SMCHD1: variants seen among roughly 807,000 people sequenced by gnomAD.
SMCHD1 encodes structural maintenance of chromosomes flexible hinge domain containing 1.
SMCHD1 carries 78 observed loss-of-function variants against 254.7 expected under a neutral mutation model. That is an observed-to-expected ratio of 0.31 (90% confidence interval 0.26 to 0.37). The LOEUF (loss-of-function observed/expected upper bound fraction) is 0.37, where lower values mean the gene tolerates loss of function less well. SMCHD1 is among the 10% of genes least tolerant of loss of function. The pLI, the probability that SMCHD1 is intolerant of heterozygous loss-of-function variation, is 1.00. For missense variants in SMCHD1, 1,840 were observed against 2,408.1 expected (o/e 0.76, Z 4.94); for synonymous variants, 766 against 794.9 (o/e 0.96, Z 0.61).
At chr18:2,729,568 A>G (rs2075095503) in intron 24 of SMCHD1, among the ~76,000 whole-genome samples, 159 bp downstream of exon 24, 1 of 152,222 alleles carries the variant, frequency 6.6e-6, no homozygotes, top group African/African-American at 2.4e-5. Flanking sequence ...AAATGCTGTA[A>G]TGACTATTTT....
At position 2,693,695 on chromosome 18, in the gene SMCHD1, G is replaced by A. The variant is rs147957791; in HGVS notation, c.874-832G>A. Among the ~76,000 whole-genome samples the A allele has an allele frequency of 6.2e-4, 94 of 152,206 alleles. 4 individuals are homozygous for A. The East Asian group carries it at 0.018, about 29-fold the overall frequency. On this transcript the variant is annotated intron_variant, in intron 7 of 47. Coordinates refer to ENST00000320876, the MANE Select transcript of SMCHD1 (RefSeq NM_015295.3). Reference sequence around the variant, plus strand: ...TGCCCAGGCTGGAGTGCAGTGGCGCGATCTTGGCTCACTGCAACCTCAGCC... The same window carrying A: ...TGCCCAGGCTGGAGTGCAGTGGCGCAATCTTGGCTCACTGCAACCTCAGCC...
At chr18:2,663,210 A>T (rs2143785453) in intron 1 of SMCHD1, among the ~76,000 whole-genome samples, 1 of 152,122 alleles carries the variant, frequency 6.6e-6, no homozygotes. Context: ...GGCTCAGGGG[A>T]TCGTCCAACC....
In SMCHD1 at chr18:2,655,957, G is replaced by A. The variant is rs2073039692; in HGVS notation, c.-119G>A. ...CGCCGCTGACGAGGAGCTGCAGCGC[G>A]CCGGGCCGAGGCCTCGAGCCGCCCC... is the stretch of plus-strand genomic sequence containing the variant. On this transcript the variant is annotated 5_prime_UTR_variant, in exon 1 of 48. Coordinates refer to ENST00000320876, the MANE Select transcript of SMCHD1 (RefSeq NM_015295.3). 4 of 740,118 alleles carry A rather than the reference G, an allele frequency of 5.4e-6. No homozygotes were observed. Among genetic ancestry groups the A allele is most frequent in the African/African-American group, 1.8e-5 (1 of 54,538 alleles). The allele number at this position is 740,118 out of a possible 1,614,324, so 45.8% of individuals were successfully genotyped here.
rs752031550 is a variant in SMCHD1 at position 2,697,837 on chromosome 18, A to G, written c.1138A>G (p.Met380Val). The G allele has an allele frequency of 2.5e-6, 4 of 1,599,438 alleles. No individual in the cohort carries two copies. The highest frequency in any genetic ancestry group is 1.3e-5 in the African/African-American group (1 of 74,662). ...PFNNIDIEISMFEKGKVPKIV... is the reference protein window; with the variant it reads ...PFNNIDIEISVFEKGKVPKIV... ...TGTTTCCTTTTTATTTTAGATTTCT[A>G]TGTTTGAAAAAGGGAAGGTACCTAA... Residue 380 changes from methionine to valine, a missense_variant, in exon 10 of 48, where the codon ATG becomes GTG. Coordinates refer to ENST00000320876, the MANE Select transcript of SMCHD1 (RefSeq NM_015295.3).
chr18:2,774,137 A>T (rs2076028049), intron 41 of SMCHD1, among the ~76,000 whole-genome samples: 2 of 151,994 alleles, frequency 1.3e-5, no homozygotes, highest in African/African-American at 4.8e-5. Context: ...TTTTTTTTTC[A>T]GTTAAACATA....
At chr18:2,672,338 T>C (rs2073631039) in intron 3 of SMCHD1, among the ~76,000 whole-genome samples, 1 of 152,172 alleles carries the variant, frequency 6.6e-6, no homozygotes, top group Non-Finnish European at 1.5e-5. Flanking sequence ...GCGATTCTCC[T>C]GCCTCAGCCT....
At chr18:2,796,197 T>G (rs956022109) in intron 46 of SMCHD1, 90 bp downstream of exon 46, 2 of 1,193,616 alleles carry the variant, frequency 1.7e-6, no homozygotes, top group Non-Finnish European at 2.3e-6. Flanking sequence ...GAAAAAAGAA[T>G]GCAAATGATT....
intron 40 of SMCHD1, among the ~76,000 whole-genome samples, chr18:2,772,041 G>A (rs2075993470): frequency 6.6e-6 from 1 of 151,884 alleles, no homozygotes; most frequent in Non-Finnish European, 1.5e-5. Context: ...AGTGAAGTGG[G>A]AACTTTATAT....
At chr18:2,778,083 A>G (rs975529153) in intron 43 of SMCHD1, 86 bp from the exon 44 acceptor site, 50 of 1,117,722 alleles carry the variant, frequency 4.5e-5, no homozygotes, top group Non-Finnish European at 6.2e-5. Flanking sequence ...GCACTCTTTC[A>G]AAGAAAGACT....
At position 2,656,071 on chromosome 18, in the gene SMCHD1, C is replaced by G; in HGVS notation, c.-5C>G. 7.2e-7 allele frequency: 1 copy of G among 1,393,112 alleles called. No homozygotes were observed. The highest frequency in any genetic ancestry group is 9.3e-7 in the Non-Finnish European group (1 of 1,069,750). 86.3% of individuals were successfully genotyped at this position (1,393,112 alleles called of 1,614,324 possible). A position where few individuals can be genotyped will look rare whatever the true frequency, so the allele number is the denominator to read the frequency against. The stretch of plus-strand genomic sequence containing the variant: ...GCGTCGCTGTCTTTTCTCCTTTTCC[C>G]CAATATGGCAGCGGCGGACGGCGGC... On this transcript the variant is annotated 5_prime_UTR_variant, in exon 1 of 48. Coordinates refer to ENST00000320876, the MANE Select transcript of SMCHD1 (RefSeq NM_015295.3).
At chr18:2,679,298 G>GA (rs71176301) in intron 5 of SMCHD1, among the ~76,000 whole-genome samples, 146,425 of 146,428 alleles carry the variant, frequency 1, 73,211 homozygotes, top group Middle Eastern at 1. Flanking sequence ...CTAACACAGT[G>GA]AACCCCATCT....
At chr18:2,748,986 G>A (rs77309382) in intron 30 of SMCHD1, among the ~76,000 whole-genome samples, 2,858 of 152,326 alleles carry the variant, frequency 0.019, 38 homozygotes, top group African/African-American at 0.035. Context: ...TGCCAAGAAT[G>A]GCTTGTTACA....
Position 2,739,289 on chromosome 18 carries a change from A to G in SMCHD1, c.3426-143A>G, listed in dbSNP as rs192300499. ...TTCTTTTGGATTAATAGCAGATTAT[A>G]TAAATTAAACAGTTATTTGAAGGAG... On this transcript the variant is annotated intron_variant, in intron 26 of 47. Coordinates refer to ENST00000320876, the MANE Select transcript of SMCHD1 (RefSeq NM_015295.3). 24 of 658,238 alleles carry G rather than the reference A, an allele frequency of 3.6e-5. No homozygotes were observed. The African/African-American group carries it at 3.8e-4, about 10-fold the overall frequency. 40.8% of individuals were successfully genotyped at this position (658,238 alleles called of 1,614,324 possible).
intron 15 of SMCHD1, 148 bp downstream of exon 15, chr18:2,706,618 A>C (rs1218140175): frequency 1.2e-5 from 6 of 488,178 alleles, no homozygotes; most frequent in Non-Finnish European, 2.2e-5. Flanking sequence ...TTGTTGAAAA[A>C]AATTAAGAGG....
chr18:2,798,262 T>A (rs991539972), intron 47 of SMCHD1, among the ~76,000 whole-genome samples: 19 of 152,234 alleles, frequency 1.2e-4, no homozygotes, highest in African/African-American at 4.6e-4. Context: ...TTTAAGTTCA[T>A]TGATATCTCT....
intron 13 of SMCHD1, among the ~76,000 whole-genome samples, chr18:2,704,548 A>G (rs1035576198): frequency 6.6e-5 from 10 of 151,876 alleles, no homozygotes; most frequent in African/African-American, 2.4e-4. Flanking sequence ...GATCAATGCA[A>G]TGGAAAGAAA....
At chr18:2,711,774 G>A (rs371384555) in intron 17 of SMCHD1, among the ~76,000 whole-genome samples, 11 of 152,134 alleles carry the variant, frequency 7.2e-5, no homozygotes, top group Non-Finnish European at 1.3e-4. Context: ...GAGCCACCGC[G>A]CCCGGCCTGG....
intron 10 of SMCHD1, among the ~76,000 whole-genome samples, chr18:2,700,310 C>T (rs564931086): frequency 1.4e-4 from 21 of 152,290 alleles, no homozygotes; most frequent in Non-Finnish European, 1.6e-4. Context: ...TTAAAGATGA[C>T]AGGCCCAGCA....
intron 1 of SMCHD1, among the ~76,000 whole-genome samples, chr18:2,662,331 T>G (rs905679411): frequency 5.3e-5 from 8 of 151,736 alleles, no homozygotes; most frequent in Non-Finnish European, 1.2e-4. Flanking sequence ...AACTACAGGA[T>G]GCATAATTAC....
Sources: gnomAD v4.1 joint callset for allele counts (sites outside exome capture counted in the v4.1 genomes callset) on GRCh38, gnomAD v4.1.1 for gene constraint, MANE v1.5 for transcripts, NCBI Gene and HGNC (gene_info 2026-07-23, HGNC 2026-07-21) for gene names.